The following ZNF724 variants were observed in gnomAD, a reference collection of about 807,000 sequenced individuals.
ZNF724 encodes the protein zinc finger protein 724, also known as zinc finger protein 724 pseudogene.
In ZNF724, 14 loss-of-function variants were observed where a neutral mutation model predicts 29.3. That is an observed-to-expected ratio of 0.48 (90% CI 0.32 to 0.75). The LOEUF is 0.75. Ranked by LOEUF, ZNF724 falls within the 30% of genes least tolerant of loss-of-function variation. The probability of loss-of-function intolerance (pLI) is 0.04; values close to 1 mark genes in which losing one functional copy is unlikely to be tolerated. For synonymous variants in ZNF724, 180 were observed against 193.6 expected (o/e 0.93, Z 0.58); for missense variants, 557 against 571.2 (o/e 0.98, Z 0.25).
chr19:23,223,683 G>A lies in ZNF724; in HGVS notation c.562C>T (p.His188Tyr), dbSNP rs1195634760. 1 of 715,950 alleles carries A rather than the reference G, an allele frequency of 1.4e-6. No individual in the cohort carries two copies. The highest frequency in any genetic ancestry group is 2.7e-5 in the East Asian group (1 of 37,274). 44.3% of individuals were successfully genotyped at this position (715,950 alleles called of 1,614,324 possible). A position where few individuals can be genotyped will look rare whatever the true frequency, so the allele number is the denominator to read the frequency against. Residue 188 changes from histidine (H) to tyrosine (Y), a missense_variant, in exon 4 of 4, where the codon CAT (histidine) becomes TAT (tyrosine). Physicochemically the swap from His to Tyr is moderately conservative, Grantham distance 83. Coordinates refer to ENST00000418100, the MANE Select transcript of ZNF724 (RefSeq NM_001355404.2). ...SFCVLSHLTQ[H>Y]KRIHTTVNSY... is the part of the protein sequence containing the mutation. The stretch of plus-strand genomic sequence containing the variant: ...TTGACAGTAGTGTGAATTCTTTTAT[G>A]TTGAGTTAGGTGTGAAAGAACACAA...
intron 3 of ZNF724, among the ~76,000 whole-genome samples, chr19:23,230,103 GATAAA>G (rs776221029): frequency 6.6e-6 from 1 of 151,886 alleles, no homozygotes; most frequent in Non-Finnish European, 1.5e-5. Context: ...TAAACTATCT[GATAAA>G]ATAAAGGAGG....
intron 1 of ZNF724, among the ~76,000 whole-genome samples, chr19:23,240,262 C>T (rs1487197420): frequency 1.6e-5 from 2 of 126,468 alleles, no homozygotes; most frequent in Non-Finnish European, 3.2e-5. Context: ...GCTGCCTGGG[C>T]AACAGAGCGA....
rs999134643 is a variant in ZNF724 at position 23,223,634 on chromosome 19, C to A, written c.611G>T (p.Gly204Val). 3 of 714,460 alleles carry A rather than the reference C, an allele frequency of 4.2e-6. No individual in the cohort carries two copies. The highest frequency in any genetic ancestry group is 1.5e-5 in the South Asian group (1 of 67,838). The allele number at this position is 714,460 out of a possible 1,614,324, so 44.3% of individuals were successfully genotyped here. A position where few individuals can be genotyped will look rare whatever the true frequency, so the allele number is the denominator to read the frequency against. ...TVNSYKLEECGKAFNVSSTLS... is the reference protein window; with the variant it reads ...TVNSYKLEECVKAFNVSSTLS... ...GGTTGAGGACACATTAAAGGCCTTG[C>A]CACATTCTTCAAGTTTGTAGGAATT... is the stretch of plus-strand genomic sequence containing the variant. Residue 204 changes from glycine to valine, a missense_variant, in exon 4 of 4, where the codon GGC becomes GTC. Physicochemically the swap from Gly to Val is moderately radical, Grantham distance 109. This residue lies in a region of ZNF724 where 362 missense variants were observed against 295.5 expected (regional missense o/e 1.22). Coordinates refer to ENST00000418100, the MANE Select transcript of ZNF724 (RefSeq NM_001355404.2).
chr19:23,232,312 CAT>C lies in ZNF724; in HGVS notation c.4-21_4-20del. 8.5e-7 allele frequency: 1 copy of C among 1,176,536 alleles called. No homozygotes were observed. Among genetic ancestry groups the C allele is most frequent in the Admixed American group, 1.9e-5 (1 of 52,970 alleles). The allele number at this position is 1,176,536 out of a possible 1,614,324, so 72.9% of individuals were successfully genotyped here. ...ATGGTCCCTGAAAAGTACACACACA[CAT>C]ATTTACGAAGTGGCCATGGGCAAAA... is the stretch of plus-strand genomic sequence containing the variant. On this transcript the variant is annotated intron_variant, in intron 1 of 3. Coordinates refer to ENST00000418100, the MANE Select transcript of ZNF724 (RefSeq NM_001355404.2).
chr19:23,244,210 T>C lies in ZNF724; in HGVS notation c.3+6030A>G, dbSNP rs1972195299. Among the ~76,000 whole-genome samples the C allele has an allele frequency of 2.0e-5, 3 of 152,024 alleles. No individual in the cohort carries two copies. In the South Asian group the frequency reaches 6.2e-4, roughly 32 times the overall value. ...TGAACAAGTGGCCCAGAACCCTAAG[T>C]TGGTGGGGAGAACAGGTTGCTGCTG... is the stretch of plus-strand genomic sequence containing the variant. On this transcript the variant is annotated intron_variant, in intron 1 of 3. Coordinates refer to ENST00000418100, the MANE Select transcript of ZNF724 (RefSeq NM_001355404.2).
intron 1 of ZNF724, among the ~76,000 whole-genome samples, chr19:23,240,860 T>C (rs1972111266): frequency 6.6e-6 from 1 of 151,928 alleles, no homozygotes; most frequent in African/African-American, 2.4e-5. Flanking sequence ...GGTGAAACCC[T>C]GTATCTACTA....
At chr19:23,233,443 T>C (rs576329853) in intron 1 of ZNF724, among the ~76,000 whole-genome samples, 80 of 152,148 alleles carry the variant, frequency 5.3e-4, no homozygotes, top group Non-Finnish European at 1.0e-3. Context: ...CAACATTACA[T>C]GTTCTCCATC....
intron 1 of ZNF724, among the ~76,000 whole-genome samples, chr19:23,239,754 C>T (rs1358056332): frequency 2.0e-5 from 3 of 151,890 alleles, no homozygotes; most frequent in South Asian, 2.1e-4. Context: ...GAGGTTGCAG[C>T]GAGCCAAGAT....
intron 1 of ZNF724, among the ~76,000 whole-genome samples, chr19:23,242,200 A>G (rs1972135799): frequency 6.6e-6 from 1 of 152,216 alleles, no homozygotes; most frequent in Admixed American, 6.5e-5. Context: ...CAACAATTAC[A>G]AAACACTGCT....
chr19:23,228,060 A>G (rs964014501), intron 3 of ZNF724, among the ~76,000 whole-genome samples: 1 of 152,144 alleles, frequency 6.6e-6, no homozygotes, highest in African/African-American at 2.4e-5. Context: ...TGACAGCTAT[A>G]TGGTACACTG....
intron 1 of ZNF724, among the ~76,000 whole-genome samples, chr19:23,238,209 C>G (rs1308236815): frequency 6.6e-6 from 1 of 151,882 alleles, no homozygotes; most frequent in African/African-American, 2.4e-5. Flanking sequence ...ACTAAAAATA[C>G]AAAAAATTAG....
In ZNF724 at chr19:23,223,289, A is replaced by C. The variant is rs1281499439; in HGVS notation, c.956T>G (p.Phe319Cys). The change falls in exon 4 of 4, where the codon TTT becomes TGT. Residue 319 changes from phenylalanine (F) to cysteine (C), a missense_variant. Physicochemically the swap from Phe to Cys is radical, Grantham distance 205 (BLOSUM62 -2). Around this residue, in one of 3 missense-constraint regions of ZNF724, gnomAD observed 362 missense variants for 295.5 expected, o/e 1.22. Transcript: ENST00000418100. ...TTTAGTAAGGTTCGAGGATTGGTTA[A>C]AAGCTCTGCCACAATGTTCACATAT... ...PYICEHCGRA[F>C]NQSSNLTKHK... 1 of 791,538 alleles carries C rather than the reference A, an allele frequency of 1.3e-6. No homozygotes were observed. Among genetic ancestry groups the C allele is most frequent in the Non-Finnish European group, 2.3e-6 (1 of 436,944 alleles). The allele number at this position is 791,538 out of a possible 1,614,324, so 49.0% of individuals were successfully genotyped here.
At chr19:23,237,783 C>T (rs1050218430) in intron 1 of ZNF724, among the ~76,000 whole-genome samples, 1 of 150,780 alleles carries the variant, frequency 6.6e-6, no homozygotes, top group Non-Finnish European at 1.5e-5. Flanking sequence ...AAACACTACA[C>T]ATAACCATGC....
intron 3 of ZNF724, among the ~76,000 whole-genome samples, 177 bp from the exon 4 acceptor site, chr19:23,224,195 T>A (rs1159269131): frequency 6.6e-6 from 1 of 152,142 alleles, no homozygotes; most frequent in Admixed American, 6.5e-5. Context: ...GCAGATCACC[T>A]GAAGTCAGGA....
chr19:23,231,362 C>T lies in ZNF724; in HGVS notation c.131-1G>A, dbSNP rs1298676774. On this transcript the variant is annotated splice_acceptor_variant, in intron 2 of 3. Coordinates refer to ENST00000418100, the MANE Select transcript of ZNF724 (RefSeq NM_001355404.2). LOFTEE classifies it high-confidence loss of function. ...AGGTCTGGCTTAGAGACAGCAATAC[C>T]TGTTTTATTAAAAATAAATAACATG... The T allele has an allele frequency of 4.4e-6, 6 of 1,373,912 alleles. No homozygotes were observed. The highest frequency in any genetic ancestry group is 6.2e-6 in the Non-Finnish European group (6 of 968,896). The allele number at this position is 1,373,912 out of a possible 1,614,324, so 85.1% of individuals were successfully genotyped here.
chr19:23,223,878 A>G lies in ZNF724; in HGVS notation c.367T>C (p.Tyr123His). ...LKKGYKSVDE[Y>H]KVHKGSYNGF... ...TTATAACTTCCTTTGTGCACCTTGT[A>G]CTCATCCACACTTTTATAGCCTTTT... Residue 123 changes from tyrosine (Y) to histidine (H), a missense_variant, in exon 4 of 4, where the codon TAC becomes CAC. By Grantham distance (83) the Tyr-to-His change is moderately conservative. Transcript: ENST00000418100. 1 of 778,580 alleles carries G rather than the reference A, an allele frequency of 1.3e-6. No homozygotes were observed. The highest frequency in any genetic ancestry group is 1.3e-5 in the South Asian group (1 of 74,262). 48.2% of individuals were successfully genotyped at this position (778,580 alleles called of 1,614,324 possible). A position where few individuals can be genotyped will look rare whatever the true frequency, so the allele number is the denominator to read the frequency against.
intron 1 of ZNF724, among the ~76,000 whole-genome samples, chr19:23,245,327 G>A (rs1972216600): frequency 6.6e-6 from 1 of 152,186 alleles, no homozygotes; most frequent in African/African-American, 2.4e-5. Context: ...AACATTCTCT[G>A]ATTTAGCCAG....
chr19:23,234,900 C>G (rs556314612), intron 1 of ZNF724, among the ~76,000 whole-genome samples: 114 of 152,314 alleles, frequency 7.5e-4, no homozygotes, highest in African/African-American at 2.6e-3. Context: ...CTAGGCTCAT[C>G]ATTAGAATTG....
intron 1 of ZNF724, among the ~76,000 whole-genome samples, chr19:23,245,711 A>G (rs577204701): frequency 6.6e-6 from 1 of 151,998 alleles, no homozygotes; most frequent in Non-Finnish European, 1.5e-5. Context: ...GCTCCTTAAT[A>G]TGAAAAAAAC....
Sources: gnomAD v4.1 joint callset for allele counts (sites outside exome capture counted in the v4.1 genomes callset) on GRCh38, gnomAD v4.1.1 for gene constraint, gnomAD v4.1.1 regional missense constraint, MANE v1.5 for transcripts, NCBI Gene and HGNC (gene_info 2026-07-23, HGNC 2026-07-21) for gene names.